The following DAZAP1 variants were observed in gnomAD, a reference collection of about 807,000 sequenced individuals.
DAZAP1 encodes the protein DAZ-associated protein 1.
DAZAP1 carries 6 observed loss-of-function variants against 60.1 expected under a neutral mutation model. That is an observed-to-expected ratio of 0.10 (90% CI 0.05 to 0.20). The LOEUF is 0.20. DAZAP1 is among the 10% of genes least tolerant of loss of function. The pLI, the probability that DAZAP1 is intolerant of heterozygous loss-of-function variation, is 1.00. For synonymous variants in DAZAP1, 235 were observed against 215.9 expected (o/e 1.09, Z -0.78); for missense variants, 366 against 560.4 (o/e 0.65, Z 3.50).
At chr19:1,407,974 G>A (rs1189645665) in intron 1 of DAZAP1, among the ~76,000 whole-genome samples, 172 bp downstream of exon 1, 1 of 151,512 alleles carries the variant, frequency 6.6e-6, no homozygotes, top group Non-Finnish European at 1.5e-5. Context: ...CTGGACGGGT[G>A]CCCGGGGTCT....
rs1282248618 is a variant in DAZAP1 at position 1,422,805 on chromosome 19, C to T, written c.463+409C>T. ...TGTGGAGTTTGGATTTTCCGTGATC[C>T]ATCCCATGCTTTTTTTTTCTTTCTT... On this transcript the variant is annotated intron_variant, in intron 6 of 11. Coordinates refer to ENST00000233078, the MANE Select transcript of DAZAP1 (RefSeq NM_018959.4). This position sits in a 1 kb window ranked among gnomAD's most constrained non-coding sequence, Gnocchi z 4.5. Among the ~76,000 whole-genome samples the T allele has an allele frequency of 6.6e-6, 1 of 151,996 alleles. No homozygotes were observed. The highest frequency in any genetic ancestry group is 1.5e-5 in the Non-Finnish European group (1 of 67,994).
At chr19:1,419,221 G>A (rs1392736897) in intron 4 of DAZAP1, among the ~76,000 whole-genome samples, 2 of 152,202 alleles carry the variant, frequency 1.3e-5, no homozygotes, top group African/African-American at 2.4e-5. Flanking sequence ...GGTCTCCTTG[G>A]CATTTGGGTC....
rs370886646 is a variant in DAZAP1 at position 1,434,572 on chromosome 19, G to A, written c.1049-165G>A. The A allele has an allele frequency of 1.6e-4, 98 of 621,338 alleles. No homozygotes were observed. In the East Asian group the frequency reaches 3.0e-3, roughly 19 times the overall value. 38.5% of individuals were successfully genotyped at this position (621,338 alleles called of 1,614,324 possible). ...TTTTGAGGGAGAGAACATGCCCGGG[G>A]TCCTCTCCCCGGCCCAGGTGCTGGC... On this transcript the variant is annotated intron_variant, in intron 11 of 11. Coordinates refer to ENST00000233078, the MANE Select transcript of DAZAP1 (RefSeq NM_018959.4). The surrounding 1 kb of genome is among the most constrained non-coding windows in gnomAD (Gnocchi z 8.0).
rs555095199 is a variant in DAZAP1 at position 1,434,651 on chromosome 19, G to A, written c.1049-86G>A. ...GGACCCGTGGACTCAAGGCAGGCTCGGCGGAGCTGTGTCCAGGTGGCCTCG... is the reference window on the plus strand; with the variant it reads ...GGACCCGTGGACTCAAGGCAGGCTCAGCGGAGCTGTGTCCAGGTGGCCTCG... On this transcript the variant is annotated intron_variant, in intron 11 of 11. Transcript: ENST00000233078. The surrounding 1 kb of genome is among the most constrained non-coding windows in gnomAD (Gnocchi z 8.0). 90 of 1,457,348 alleles carry A rather than the reference G, an allele frequency of 6.2e-5. No individual in the cohort carries two copies. In the African/African-American group the frequency reaches 1.1e-3, roughly 17 times the overall value. The allele number at this position is 1,457,348 out of a possible 1,614,324, so 90.3% of individuals were successfully genotyped here. A position where few individuals can be genotyped will look rare whatever the true frequency, so the allele number is the denominator to read the frequency against.
chr19:1,417,830 G>A (rs1047514467), intron 2 of DAZAP1, among the ~76,000 whole-genome samples: 5 of 152,202 alleles, frequency 3.3e-5, no homozygotes, highest in African/African-American at 1.2e-4. Flanking sequence ...AGGGCTGGGG[G>A]CTGGCCAGGC....
intron 8 of DAZAP1, among the ~76,000 whole-genome samples, chr19:1,429,653 G>A (rs778242798): frequency 6.6e-6 from 1 of 152,192 alleles, no homozygotes; most frequent in Non-Finnish European, 1.5e-5. Flanking sequence ...CTGCCCTCTC[G>A]AGGCTTAGAA....
chr19:1,417,851 T>G (rs1286450569), intron 2 of DAZAP1, among the ~76,000 whole-genome samples: 1 of 152,028 alleles, frequency 6.6e-6, no homozygotes, highest in African/African-American at 2.4e-5. Context: ...TGTTACTGAG[T>G]TCAGAATAGG....
chr19:1,427,195 A>G (rs2083325571), intron 7 of DAZAP1: 1 of 152,242 alleles, frequency 6.6e-6, no homozygotes, highest in Non-Finnish European at 1.5e-5. Context: ...GGCTTCAAGG[A>G]GTCTGCGCCC....
chr19:1,414,558 A>G (rs1264094756), intron 1 of DAZAP1, among the ~76,000 whole-genome samples: 3 of 151,854 alleles, frequency 2.0e-5, no homozygotes, highest in Non-Finnish European at 4.4e-5. Flanking sequence ...CATCCTGGCC[A>G]ATATGGTGAA....
intron 7 of DAZAP1, chr19:1,427,122 C>T (rs556552949): frequency 6.6e-6 from 1 of 152,348 alleles, no homozygotes; most frequent in African/African-American, 2.4e-5. Context: ...GTTCTGACAT[C>T]GAGTGCAGCT....
chr19:1,413,353 A>G (rs941030857), intron 1 of DAZAP1, among the ~76,000 whole-genome samples: 6 of 152,228 alleles, frequency 3.9e-5, no homozygotes, highest in African/African-American at 1.4e-4. Context: ...AGGGCTCCGC[A>G]TGTTTCTGAT....
In DAZAP1 at chr19:1,428,818, T is replaced by C. The variant is rs998381309; in HGVS notation, c.547-24T>C. 5.6e-6 allele frequency: 9 copies of C among 1,612,200 alleles called. No homozygotes were observed. The African/African-American group carries it at 9.4e-5, about 17-fold the overall frequency. Reference sequence around the variant, plus strand: ...GGTGCTGGGACCCGCAGCCTCGCCCTAAACCAGAGCTCGGTTTGTTTAGGT... The same window carrying C: ...GGTGCTGGGACCCGCAGCCTCGCCCCAAACCAGAGCTCGGTTTGTTTAGGT... On this transcript the variant is annotated intron_variant, in intron 7 of 11. Coordinates refer to ENST00000233078, the MANE Select transcript of DAZAP1 (RefSeq NM_018959.4). The surrounding 1 kb of genome is among the most constrained non-coding windows in gnomAD (Gnocchi z 4.0).
intron 1 of DAZAP1, among the ~76,000 whole-genome samples, chr19:1,408,122 G>T (rs1298926477): frequency 2.0e-5 from 3 of 151,870 alleles, no homozygotes; most frequent in African/African-American, 4.8e-5. Context: ...GGCAACCTGG[G>T]GGGGTGTCCT....
chr19:1,420,104 C>T (rs1425135133), intron 4 of DAZAP1, among the ~76,000 whole-genome samples: 1 of 115,186 alleles, frequency 8.7e-6, no homozygotes, highest in African/African-American at 3.5e-5. Context: ...TCACCCCACG[C>T]GCACACTCAT....
rs1197758740 is a variant in DAZAP1 at position 1,425,054 on chromosome 19, A to G, written c.464-824A>G. Among the ~76,000 whole-genome samples, 2 of 151,946 alleles carry G rather than the reference A, an allele frequency of 1.3e-5. No individual in the cohort carries two copies. The highest frequency in any genetic ancestry group is 2.9e-5 in the Non-Finnish European group (2 of 67,978). On this transcript the variant is annotated intron_variant, in intron 6 of 11. Coordinates refer to ENST00000233078, the MANE Select transcript of DAZAP1 (RefSeq NM_018959.4). The surrounding 1 kb of genome is among the most constrained non-coding windows in gnomAD (Gnocchi z 5.4). ...ATGCTAAATTTTTTTTGCCTTTAAAATTTTCTGTTTTGATCCCATGGTGCA... is the reference window on the plus strand; with the variant it reads ...ATGCTAAATTTTTTTTGCCTTTAAAGTTTTCTGTTTTGATCCCATGGTGCA...
chr19:1,425,661 G>A lies in DAZAP1; in HGVS notation c.464-217G>A, dbSNP rs1171495548. Reference sequence around the variant, plus strand: ...GACTCAGGCCTCAGTCAGCAGAGCCGTCACCGGGAGTGCGGACGTCACCGT... The same window carrying A: ...GACTCAGGCCTCAGTCAGCAGAGCCATCACCGGGAGTGCGGACGTCACCGT... On this transcript the variant is annotated intron_variant, in intron 6 of 11. Transcript: ENST00000233078. This position sits in a 1 kb window ranked among gnomAD's most constrained non-coding sequence, Gnocchi z 5.4. Among the ~76,000 whole-genome samples, 5 of 152,216 alleles carry A rather than the reference G, an allele frequency of 3.3e-5. No individual in the cohort carries two copies. The highest frequency in any genetic ancestry group is 7.2e-5 in the African/African-American group (3 of 41,454).
At chr19:1,414,998 C>T (rs1288297591) in intron 1 of DAZAP1, among the ~76,000 whole-genome samples, 4 of 151,668 alleles carry the variant, frequency 2.6e-5, no homozygotes, top group Non-Finnish European at 5.9e-5. Flanking sequence ...GTTACGTTGC[C>T]CAGGCTGGTC....
rs1315048925 is a variant in DAZAP1 at position 1,407,605 on chromosome 19, C to G, written c.-169C>G. 8.8e-6 allele frequency: 3 copies of G among 341,012 alleles called. No individual in the cohort carries two copies. Among genetic ancestry groups the G allele is most frequent in the Non-Finnish European group, 1.2e-5 (3 of 252,964 alleles). The allele number at this position is 341,012 out of a possible 1,614,324, so 21.1% of individuals were successfully genotyped here. ...GGGGACGCGCGGTGACCGTTGGCGC[C>G]GAGGGGAGGAGGCAGCCGCCGCCGC... is the stretch of plus-strand genomic sequence containing the variant. On this transcript the variant is annotated 5_prime_UTR_variant, in exon 1 of 12. Transcript: ENST00000233078.
At position 1,428,163 on chromosome 19, in the gene DAZAP1, C is replaced by T. The variant is rs755932737; in HGVS notation, c.547-679C>T. 2 of 152,182 alleles carry T rather than the reference C, an allele frequency of 1.3e-5. No individual in the cohort carries two copies. Among genetic ancestry groups the T allele is most frequent in the African/African-American group, 2.4e-5 (1 of 41,390 alleles). The allele number at this position is 152,182 out of a possible 1,614,324, so 9.4% of individuals were successfully genotyped here. ...AGAGGAAGGGCCCCGGGCTGCTGAG[C>T]GAACACAGTATGAAGATTGCTTACT... On this transcript the variant is annotated intron_variant, in intron 7 of 11. Transcript: ENST00000233078. The surrounding 1 kb of genome is among the most constrained non-coding windows in gnomAD (Gnocchi z 4.0).
Sources: gnomAD v4.1 joint callset for allele counts (sites outside exome capture counted in the v4.1 genomes callset) on GRCh38, gnomAD v4.1.1 for gene constraint, Gnocchi (gnomAD v3.1) non-coding constraint, MANE v1.5 for transcripts, NCBI Gene and HGNC (gene_info 2026-07-23, HGNC 2026-07-21) for gene names.